Variants in ACCSL observed in about 807,000 individuals in gnomAD.
ACCSL encodes the protein 1-aminocyclopropane-1-carboxylate synthase homolog (inactive) like.
A neutral mutation model predicts 61.7 loss-of-function variants in ACCSL; 55 were observed. That is an observed-to-expected ratio of 0.89 (90% CI 0.72 to 1.12). The LOEUF (loss-of-function observed/expected upper bound fraction) is 1.12, where lower values mean the gene tolerates loss of function less well. ACCSL is among the 50% of genes most tolerant of loss of function. ACCSL has a pLI of 0.00. For synonymous variants in ACCSL, 258 were observed against 264.3 expected (o/e 0.98, Z 0.23); for missense variants, 632 against 698.0 (o/e 0.91, Z 1.07).
At chr11:44,044,358 G>A (rs940104909), upstream of ACCSL, among the ~76,000 whole-genome samples, 1 of 152,024 alleles carries the variant, frequency 6.6e-6, no homozygotes, top group Non-Finnish European at 1.5e-5. Context: ...TCTTACATAC[G>A]GAGAAACTGA....
At chr11:44,006,922 G>A in the ACCSL span, among the ~76,000 whole-genome samples, 22 of 152,114 alleles carry the variant, frequency 1.4e-4, no homozygotes, top group Admixed American at 3.3e-4. Flanking sequence ...TCCTCCCCGC[G>A]GTTGGACATT....
chr11:43,953,179 G>A, the ACCSL span, among the ~76,000 whole-genome samples: 1 of 152,294 alleles, frequency 6.6e-6, no homozygotes, highest in African/African-American at 2.4e-5. Flanking sequence ...CAGGATGAGA[G>A]GAGGCTGGCA....
At chr11:43,990,724 C>T in the ACCSL span, among the ~76,000 whole-genome samples, 1 of 152,164 alleles carries the variant, frequency 6.6e-6, no homozygotes, top group African/African-American at 2.4e-5. Flanking sequence ...CCTTTAGCCG[C>T]TCCTGGTGCA....
chr11:44,000,437 T>A, the ACCSL span, among the ~76,000 whole-genome samples: 4 of 116,684 alleles, frequency 3.4e-5, no homozygotes, highest in South Asian at 1.0e-3. Flanking sequence ...TGTCTCTATT[T>A]TAAAAAAAAA....
chr11:43,931,964 G>A, the ACCSL span, among the ~76,000 whole-genome samples: 1 of 152,226 alleles, frequency 6.6e-6, no homozygotes, highest in Non-Finnish European at 1.5e-5. Flanking sequence ...GCAGCCTGAG[G>A]CTGTGTCTGA....
At chr11:44,049,281 G>A (rs912184740) in intron 1 of ACCSL, among the ~76,000 whole-genome samples, 3 of 152,068 alleles carry the variant, frequency 2.0e-5, no homozygotes, top group East Asian at 1.9e-4. Context: ...CTAGCCAGGC[G>A]TGGTGGCACA....
At chr11:44,020,225 T>C in the ACCSL span, among the ~76,000 whole-genome samples, 1 of 152,242 alleles carries the variant, frequency 6.6e-6, no homozygotes, top group Non-Finnish European at 1.5e-5. Flanking sequence ...GTTTGTGTAT[T>C]TGTAGCTTCC....
chr11:43,943,510 T>C, the ACCSL span: 1 of 1,353,032 alleles, frequency 7.4e-7, no homozygotes, highest in Non-Finnish European at 9.8e-7. This position sits in a 1 kb window ranked among gnomAD's most constrained non-coding sequence, Gnocchi z 4.8. Flanking sequence ...TAAATGTTTA[T>C]TTTTTAACTC....
chr11:43,996,232 A>G, the ACCSL span, among the ~76,000 whole-genome samples: 2 of 152,174 alleles, frequency 1.3e-5, no homozygotes, highest in African/African-American at 4.8e-5. Context: ...CAAGCCCCCC[A>G]CTGGTAGTAC....
chr11:44,024,413 C>G, the ACCSL span, among the ~76,000 whole-genome samples: 81,808 of 147,102 alleles, frequency 0.56, 22,690 homozygotes, highest in Admixed American at 0.61. Context: ...CCATGTATAT[C>G]TCTCTCTCTC....
chr11:43,943,541 G>C, the ACCSL span: 1 of 1,322,376 alleles, frequency 7.6e-7, no homozygotes, highest in East Asian at 5.3e-5. The surrounding 1 kb of genome is among the most constrained non-coding windows in gnomAD (Gnocchi z 4.8). Context: ...GAACTCTGCT[G>C]TGAGTGTGTG....
At chr11:43,925,153 C>A in the ACCSL span, 1 of 281,468 alleles carries the variant, frequency 3.6e-6, no homozygotes, top group South Asian at 3.5e-5. Flanking sequence ...GCTGTGCCCT[C>A]CTCCAGGCTT....
rs990374295 is a variant in ACCSL at position 44,052,849 on chromosome 11, C to G, written c.870+90C>G. ...AGGGGTAGAGGGGCTTGCTTTCTACCCATCTAAGTGGTTGGGTAGGGGTGG... is the reference window on the plus strand; with the variant it reads ...AGGGGTAGAGGGGCTTGCTTTCTACGCATCTAAGTGGTTGGGTAGGGGTGG... On this transcript the variant is annotated intron_variant, in intron 6 of 13. Transcript: ENST00000378832. 4 of 1,476,488 alleles carry G rather than the reference C, an allele frequency of 2.7e-6. No homozygotes were observed. In the African/African-American group the frequency reaches 5.6e-5, roughly 21 times the overall value. 91.5% of individuals were successfully genotyped at this position (1,476,488 alleles called of 1,614,324 possible).
At chr11:43,948,487 T>C in the ACCSL span, among the ~76,000 whole-genome samples, 14 of 152,112 alleles carry the variant, frequency 9.2e-5, no homozygotes, top group Admixed American at 4.6e-4. Flanking sequence ...TTTATTTATT[T>C]ATTTGAGACA....
At chr11:44,056,398 G>A in intron 11 of ACCSL, 72 bp downstream of exon 11, 3 of 1,531,384 alleles carry the variant, frequency 2.0e-6, no homozygotes, top group Non-Finnish European at 2.6e-6. Flanking sequence ...GATTTGCTTG[G>A]GCCTCTGATG....
In ACCSL at chr11:44,059,966, G is replaced by T; in HGVS notation, c.*46G>T. 6.4e-7 allele frequency: 1 copy of T among 1,573,384 alleles called. No individual in the cohort carries two copies. The highest frequency in any genetic ancestry group is 1.1e-5 in the South Asian group (1 of 89,806). Reference sequence around the variant, plus strand: ...CAGTTCCAGCCCATCACTTGCTCAGGGACCCCCTAATGTCAGCCTCTGGCC... The same window carrying T: ...CAGTTCCAGCCCATCACTTGCTCAGTGACCCCCTAATGTCAGCCTCTGGCC... On this transcript the variant is annotated 3_prime_UTR_variant, in exon 14 of 14. Transcript: ENST00000378832.
the ACCSL span, among the ~76,000 whole-genome samples, chr11:43,928,735 T>C: frequency 6.6e-6 from 1 of 152,226 alleles, no homozygotes; most frequent in Non-Finnish European, 1.5e-5. Context: ...AGATTCCCTA[T>C]GCCCCCAGCT....
the ACCSL span, chr11:43,995,575 G>T: frequency 6.6e-6 from 1 of 152,488 alleles, no homozygotes; most frequent in Admixed American, 6.5e-5. Context: ...AACCTGGCCT[G>T]AGCTGGGCTT....
chr11:43,938,660 G>A, the ACCSL span, among the ~76,000 whole-genome samples: 1 of 152,084 alleles, frequency 6.6e-6, no homozygotes, highest in Non-Finnish European at 1.5e-5. Flanking sequence ...AAAATTAGCA[G>A]GGTGTGGTGG....
Sources: gnomAD v4.1 joint callset for allele counts (sites outside exome capture counted in the v4.1 genomes callset) on GRCh38, gnomAD v4.1.1 for gene constraint, Gnocchi (gnomAD v3.1) non-coding constraint, MANE v1.5 for transcripts, NCBI Gene and HGNC (gene_info 2026-07-23, HGNC 2026-07-21) for gene names.